The following FARSB variants were observed in gnomAD, a reference collection of about 807,000 sequenced individuals.
The protein encoded by FARSB is phenylalanine--tRNA ligase beta subunit.
A neutral mutation model predicts 69.6 loss-of-function variants in FARSB; 40 were observed. That is an observed-to-expected ratio of 0.57 (90% CI 0.45 to 0.75). The LOEUF (loss-of-function observed/expected upper bound fraction) is 0.75. FARSB is among the 30% of genes least tolerant of loss of function. The probability of loss-of-function intolerance (pLI) is 0.00; values close to 1 mark genes in which losing one functional copy is unlikely to be tolerated. For synonymous variants in FARSB, 235 were observed against 247.2 expected, an observed-to-expected ratio of 0.95 and a Z score of 0.46; for missense variants, 632 against 722.9, an observed-to-expected ratio of 0.87 and a Z score of 1.44.
In FARSB at chr2:222,567,610, CAT is replaced by C. The variant is rs1402687286; in HGVS notation, c.*4259_*4260del. Reference sequence around the variant, plus strand: ...TTAAAATGTGAGAACAGTCATTCAACATGTTTTAAATTCAAAACACATCCTTT... The same window carrying C: ...TTAAAATGTGAGAACAGTCATTCAACGTTTTAAATTCAAAACACATCCTTT... On this transcript the variant is annotated 3_prime_UTR_variant, in exon 17 of 17. Coordinates refer to ENST00000281828, the MANE Select transcript of FARSB (RefSeq NM_005687.5). The C allele has an allele frequency of 1.3e-5, 2 of 152,210 alleles. No individual in the cohort carries two copies. The highest frequency in any genetic ancestry group is 4.8e-5 in the African/African-American group (2 of 41,446). 9.4% of individuals were successfully genotyped at this position (152,210 alleles called of 1,614,324 possible).
intron 16 of FARSB, among the ~76,000 whole-genome samples, chr2:222,589,517 T>G (rs1469328256): frequency 6.8e-6 from 1 of 147,778 alleles, no homozygotes; most frequent in Non-Finnish European, 1.5e-5. Flanking sequence ...ACAAATGGTA[T>G]CTAATTAAAC....
intron 16 of FARSB, among the ~76,000 whole-genome samples, chr2:222,595,219 G>C (rs1690379927): frequency 6.6e-6 from 1 of 152,162 alleles, no homozygotes; most frequent in South Asian, 2.1e-4. Flanking sequence ...TTATAGTCCA[G>C]AATGTTTTGT....
chr2:222,623,308 C>T (rs1046055095), intron 13 of FARSB, among the ~76,000 whole-genome samples: 1 of 152,146 alleles, frequency 6.6e-6, no homozygotes. Flanking sequence ...ATCTAGTGGG[C>T]ACAGCCATAA....
rs1689763261 is a variant in FARSB at position 222,573,481 on chromosome 2, T to C, written c.1619-1459A>G. ...AAACCCAACTAATATTATAGAGCCT[T>C]AGTTTCATATTAATATGAATATTCA... On this transcript the variant is annotated intron_variant, in intron 16 of 16. Transcript: ENST00000281828. Among the ~76,000 whole-genome samples, 7 of 152,294 alleles carry C rather than the reference T, an allele frequency of 4.6e-5. No homozygotes were observed. In the South Asian group the frequency reaches 1.5e-3, roughly 32 times the overall value.
At chr2:222,573,472 A>T (rs1689762758) in intron 16 of FARSB, among the ~76,000 whole-genome samples, 1 of 152,202 alleles carries the variant, frequency 6.6e-6, no homozygotes, top group Non-Finnish European at 1.5e-5. Context: ...AACTAATATT[A>T]TAGAGCCTTA....
chr2:222,653,015 A>G (rs558435373), intron 1 of FARSB, among the ~76,000 whole-genome samples: 129 of 152,378 alleles, frequency 8.5e-4, no homozygotes, highest in African/African-American at 2.7e-3. Flanking sequence ...TGACACATCA[A>G]GTAACCACAC....
Position 222,624,285 on chromosome 2 carries a change from G to T in FARSB, c.1157C>A (p.Thr386Asn). ...GTGCAATCTTACTTGATTAGCTATG[G>T]TGTAAGTTTTCGGGAGAGTCATCTG... ...NIQMTLPKTY[T>N]IANQFPLNKL... The change falls in exon 12 of 17, where the codon ACC becomes AAC. Residue 386 changes from threonine to asparagine, a missense_variant. By Grantham distance (65) the Thr-to-Asn change is moderately conservative (BLOSUM62 0). Coordinates refer to ENST00000281828, the MANE Select transcript of FARSB (RefSeq NM_005687.5). 6.2e-7 allele frequency: 1 copy of T among 1,602,692 alleles called. No individual in the cohort carries two copies. The highest frequency in any genetic ancestry group is 8.5e-7 in the Non-Finnish European group (1 of 1,170,768).
intron 2 of FARSB, among the ~76,000 whole-genome samples, chr2:222,647,042 C>A (rs1462997891): frequency 6.6e-6 from 1 of 152,208 alleles, no homozygotes; most frequent in Non-Finnish European, 1.5e-5. Flanking sequence ...TACACACATG[C>A]TTCTCTTCCT....
rs143827282 is a variant in FARSB, at chr2:222,647,589, G to A, written c.114+1151C>T. On this transcript the variant is annotated intron_variant, in intron 2 of 16. Coordinates refer to ENST00000281828, the MANE Select transcript of FARSB (RefSeq NM_005687.5). ...TGCTCTTCCCACTAAATGAAATAAA[G>A]TCAAGTTTTCTTCAAGAAAGCAGCC... is the stretch of plus-strand genomic sequence containing the variant. 8.9e-3 allele frequency among the ~76,000 whole-genome samples: 1,348 copies of A among 152,292 alleles called. 7 individuals carry two copies. The highest frequency in any genetic ancestry group is 0.013 in the Non-Finnish European group (915 of 68,018).
In FARSB at chr2:222,599,930, T is replaced by C. The variant is rs1248186813; in HGVS notation, c.1616A>G (p.Glu539Gly). The C allele has an allele frequency of 3.1e-6, 5 of 1,593,852 alleles. No homozygotes were observed. The highest frequency in any genetic ancestry group is 3.8e-5 in the Admixed American group (2 of 53,004). Residue 539 changes from glutamate to glycine, a missense_variant and splice_region_variant, in exon 16 of 17, where the codon GAA (glutamate) becomes GGA (glycine). Glu to Gly is a moderately conservative substitution (Grantham distance 98). Transcript: ENST00000281828. ...DKGGYVIKAS[E>G]GPAFFPGRCA... Reference sequence around the variant, plus strand: ...TGGATTCGGCTCATCTGTCTTACCTTCTGATGCTTTGATCACATATCCCCC... The same window carrying C: ...TGGATTCGGCTCATCTGTCTTACCTCCTGATGCTTTGATCACATATCCCCC...
intron 5 of FARSB, among the ~76,000 whole-genome samples, chr2:222,635,033 T>C (rs546377521): frequency 2.0e-5 from 3 of 152,336 alleles, no homozygotes; most frequent in African/African-American, 7.2e-5. Context: ...AATTTTAATT[T>C]CAACAGCTCT....
intron 5 of FARSB, among the ~76,000 whole-genome samples, chr2:222,637,878 G>A (rs1182618079): frequency 6.6e-6 from 1 of 152,122 alleles, no homozygotes; most frequent in Admixed American, 6.5e-5. Flanking sequence ...AGCTACTTAG[G>A]AGGCTGAGGC....
intron 16 of FARSB, among the ~76,000 whole-genome samples, chr2:222,580,127 C>T (rs894649637): frequency 1.1e-4 from 17 of 151,428 alleles, no homozygotes; most frequent in East Asian, 3.9e-4. Context: ...GAATATTATA[C>T]ATAATAAATA....
rs545356328 is a variant in FARSB at position 222,608,163 on chromosome 2, G to T, written c.1462+5648C>A. 3.3e-5 allele frequency among the ~76,000 whole-genome samples: 5 copies of T among 152,178 alleles called. 1 individual carries two copies. The highest frequency in any genetic ancestry group is 2.6e-4 in the Admixed American group (4 of 15,288). Reference sequence around the variant, plus strand: ...GATGCTCCTTACACCCATATTTTTTGAATTAATAATTGGAAATTCTACATG... The same window carrying T: ...GATGCTCCTTACACCCATATTTTTTTAATTAATAATTGGAAATTCTACATG... On this transcript the variant is annotated intron_variant, in intron 15 of 16. Coordinates refer to ENST00000281828, the MANE Select transcript of FARSB (RefSeq NM_005687.5).
rs141700589 is a variant in FARSB, at chr2:222,574,980, C to T, written c.1619-2958G>A. Reference sequence around the variant, plus strand: ...ACTAAAACAGAAGTATTTCTTAGTGCTTTTGAAAACCTTTAAGGTTCAAAC... The same window carrying T: ...ACTAAAACAGAAGTATTTCTTAGTGTTTTTGAAAACCTTTAAGGTTCAAAC... On this transcript the variant is annotated intron_variant, in intron 16 of 16. Transcript: ENST00000281828. 1.5e-3 allele frequency among the ~76,000 whole-genome samples: 231 copies of T among 152,304 alleles called. 1 individual carries two copies. The highest frequency in any genetic ancestry group is 0.013 in the Admixed American group (200 of 15,300).
At chr2:222,591,504 T>C (rs535903956) in intron 16 of FARSB, among the ~76,000 whole-genome samples, 1 of 152,262 alleles carries the variant, frequency 6.6e-6, no homozygotes, top group Admixed American at 6.5e-5. Flanking sequence ...ATTGCTACAA[T>C]CTTAGTACTC....
chr2:222,624,762 C>T lies in FARSB; in HGVS notation c.914G>A (p.Arg305Gln), dbSNP rs773579570. 5.0e-6 allele frequency: 8 copies of T among 1,600,266 alleles called. No individual in the cohort carries two copies. The highest frequency in any genetic ancestry group is 4.5e-5 in the East Asian group (2 of 44,724). The stretch of plus-strand genomic sequence containing the variant: ...TAGGTCAGCTCTCACCATCTCCTTT[C>T]GGTAAGCTAATTCCTTAAATAGAAA... ...KSHTFPELAY[R>Q]KEMVRADLIN... Residue 305 changes from arginine (R) to glutamine (Q), a missense_variant, in exon 11 of 17, where the codon CGA becomes CAA. Transcript: ENST00000281828.
At chr2:222,579,434 C>A (rs1021623692) in intron 16 of FARSB, among the ~76,000 whole-genome samples, 1 of 152,178 alleles carries the variant, frequency 6.6e-6, no homozygotes, top group Non-Finnish European at 1.5e-5. Flanking sequence ...AAACCTAGAG[C>A]CTTCCATGGA....
chr2:222,622,385 C>A (rs1158873376), intron 13 of FARSB, among the ~76,000 whole-genome samples: 2 of 152,058 alleles, frequency 1.3e-5, no homozygotes, highest in African/African-American at 4.8e-5. Flanking sequence ...AATGCATACC[C>A]AAGTTTTAAC....
Sources: allele counts gnomAD v4.1 joint callset (sites outside exome capture counted in the v4.1 genomes callset), GRCh38; gene constraint gnomAD v4.1.1; transcripts MANE v1.5; gene names NCBI Gene and HGNC (gene_info 2026-07-23, HGNC 2026-07-21).